Variants in SCML1 observed in about 807,000 individuals in gnomAD.
SCML1 encodes sex comb on midleg-like protein 1.
For missense variants in SCML1, 137 were observed against 258.1 expected, an observed-to-expected ratio of 0.53 and a Z score of 3.22; for synonymous variants, 104 against 103.6, an observed-to-expected ratio of 1.00 and a Z score of -0.02.
intron 4 of SCML1, among the ~76,000 whole-genome samples, chrX:17,748,841 A>C (rs2066672798): frequency 8.9e-6 from 1 of 112,245 alleles, no homozygotes; most frequent in Non-Finnish European, 1.9e-5. Context: ...ATTGGCGCGT[A>C]AGAGATGTGT....
Position 17,746,032 on chromosome X carries a change from A to G in SCML1, c.132A>G (p.Val44=). 1 of 1,175,647 alleles carries G rather than the reference A, an allele frequency of 8.5e-7. No homozygotes were observed. Among genetic ancestry groups the G allele is most frequent in the Non-Finnish European group, 1.1e-6 (1 of 869,791 alleles). The change falls in exon 4 of 8, where the codon GTA becomes GTG. Residue 44 remains valine (V), a synonymous_variant. Transcript: ENST00000380041. ...AATATTAGCAGGAACCGAATATTGT[A>G]TCTGACGCATCCTGTAATACTGAAG... The part of the protein sequence containing the change: ...PEFVNKEPNI[V]SDASCNTEEQ...
chrX:17,738,261 G>A (rs2066559124), intron 1 of SCML1, among the ~76,000 whole-genome samples: 1 of 112,311 alleles, frequency 8.9e-6, no homozygotes, highest in Non-Finnish European at 1.9e-5. Flanking sequence ...GGGGGAGGCC[G>A]TCGAGGCGTG....
rs1297762584 is a variant in SCML1 at position 17,751,972 on chromosome X, G to A, written c.855+6G>A. 2 of 1,206,978 alleles carry A rather than the reference G, an allele frequency of 1.7e-6. No homozygotes were observed. The highest frequency in any genetic ancestry group is 1.8e-5 in the South Asian group (1 of 56,188). ...TCGACCTCTTCAGAAGCCATGTAATGTATCTTTTGATCCTGTTTTCCTGCT... is the reference window on the plus strand; with the variant it reads ...TCGACCTCTTCAGAAGCCATGTAATATATCTTTTGATCCTGTTTTCCTGCT... On this transcript the variant is annotated splice_donor_region_variant and intron_variant, in intron 7 of 7. Coordinates refer to ENST00000380041, the MANE Select transcript of SCML1 (RefSeq NM_001037540.3).
chrX:17,751,591 A>G (rs144731162), intron 6 of SCML1, among the ~76,000 whole-genome samples: 7,134 of 111,649 alleles, frequency 0.064, 449 homozygotes, highest in African/African-American at 0.19. Context: ...AGCTTTTGCT[A>G]TTTAGGGGAG....
chrX:17,744,097 A>G lies in SCML1; in HGVS notation c.-90A>G. The G allele has an allele frequency of 1.3e-6, 1 of 784,932 alleles. No individual in the cohort carries two copies. The allele number at this position is 784,932 out of a possible 1,213,427, so 64.7% of individuals were successfully genotyped here. ...AGTAGAGGTTTACCACTCTTAGGTG[A>G]CTAAGCAGTATCACAAATAAACCCT... On this transcript the variant is annotated 5_prime_UTR_variant, in exon 2 of 8. Transcript: ENST00000380041.
chrX:17,750,405 T>G, intron 6 of SCML1, 112 bp downstream of exon 6: 1 of 824,277 alleles, frequency 1.2e-6, no homozygotes, highest in Non-Finnish European at 1.7e-6. Context: ...CCTTCTGGTT[T>G]GGTGAGTTTG....
chrX:17,748,510 GC>G (rs1157773333), intron 4 of SCML1, among the ~76,000 whole-genome samples: 3 of 111,868 alleles, frequency 2.7e-5, no homozygotes, highest in Non-Finnish European at 5.6e-5. Flanking sequence ...CCGGCCAGGA[GC>G]TTTTTTTTTC....
chrX:17,750,690 C>T (rs949891282), intron 6 of SCML1, among the ~76,000 whole-genome samples: 19 of 112,289 alleles, frequency 1.7e-4, no homozygotes, highest in Admixed American at 1.3e-3. Flanking sequence ...ACTTCTAGAA[C>T]TCTGCCCCAT....
At chrX:17,740,540 T>TA (rs1451540772) in intron 1 of SCML1, among the ~76,000 whole-genome samples, 1 of 112,056 alleles carries the variant, frequency 8.9e-6, no homozygotes, top group African/African-American at 3.3e-5. Context: ...TTGTTCAACT[T>TA]ACTTACACAG....
chrX:17,740,195 G>T (rs2066581503), intron 1 of SCML1, among the ~76,000 whole-genome samples: 1 of 111,905 alleles, frequency 8.9e-6, no homozygotes, highest in South Asian at 3.7e-4. Context: ...TTTGCCTAAA[G>T]TGAAACGGCA....
intron 7 of SCML1, among the ~76,000 whole-genome samples, chrX:17,752,828 C>T (rs946909542): frequency 9.0e-6 from 1 of 111,491 alleles, no homozygotes; most frequent in African/African-American, 3.3e-5. Context: ...ATAAAGACAA[C>T]ATTGTATAGA....
At chrX:17,751,723 G>A (rs2066709181) in intron 6 of SCML1, 92 bp from the exon 7 acceptor site, 1 of 954,915 alleles carries the variant, frequency 1.0e-6, no homozygotes, top group African/African-American at 1.9e-5. Context: ...AACAAAGAGA[G>A]CATTCCTCCT....
At chrX:17,746,225 C>T in intron 4 of SCML1, 127 bp downstream of exon 4, 1 of 368,887 alleles carries the variant, frequency 2.7e-6, no homozygotes, top group Non-Finnish European at 4.8e-6. Context: ...TGATTATCAT[C>T]CCATTGTGAT....
At chrX:17,748,595 G>GTGAA (rs753200537) in intron 4 of SCML1, among the ~76,000 whole-genome samples, 1,168 of 111,734 alleles carry the variant, frequency 0.01, 7 homozygotes, top group Middle Eastern at 0.019. Flanking sequence ...AGTTGAATGA[G>GTGAA]TGAATGAATG....
At chrX:17,751,755 G>A in intron 6 of SCML1, 60 bp from the exon 7 acceptor site, 1 of 1,112,165 alleles carries the variant, frequency 9.0e-7, no homozygotes, top group Non-Finnish European at 1.2e-6. Flanking sequence ...TCTTCTTTCA[G>A]GATAATGATC....
At chrX:17,751,225 G>A (rs1206679340) in intron 6 of SCML1, among the ~76,000 whole-genome samples, 1 of 112,113 alleles carries the variant, frequency 8.9e-6, no homozygotes, top group East Asian at 2.8e-4. Flanking sequence ...AAAGTAAAGC[G>A]ATACTAAAAA....
At chrX:17,739,930 G>C (rs1462730282) in intron 1 of SCML1, among the ~76,000 whole-genome samples, 3 of 109,293 alleles carry the variant, frequency 2.7e-5, no homozygotes, top group Non-Finnish European at 3.8e-5. Context: ...CTCATTTTGT[G>C]GGATTTGAGA....
At chrX:17,745,593 A>T in intron 3 of SCML1, 54 bp downstream of exon 3, 1 of 711,468 alleles carries the variant, frequency 1.4e-6, no homozygotes, top group Non-Finnish European at 2.2e-6. Context: ...TTAAAGGAAA[A>T]GATGTAAATT....
At chrX:17,742,173 G>C (rs139136196) in intron 1 of SCML1, among the ~76,000 whole-genome samples, 1 of 111,285 alleles carries the variant, frequency 9.0e-6, no homozygotes, top group South Asian at 3.7e-4. Context: ...AAAAATTGTC[G>C]TGCGATGTAA....
Sources: gnomAD v4.1 joint callset for allele counts (sites outside exome capture counted in the v4.1 genomes callset) on GRCh38, gnomAD v4.1.1 for gene constraint, MANE v1.5 for transcripts, NCBI Gene and HGNC (gene_info 2026-07-23, HGNC 2026-07-21) for gene names.